Variants in IMMP2L observed in about 807,000 individuals in gnomAD.
IMMP2L encodes the protein mitochondrial inner membrane protease subunit 2.
A neutral mutation model predicts 19.3 loss-of-function variants in IMMP2L; 18 were observed. The ratio of observed to expected loss-of-function variants is 0.93; its 90% CI spans 0.64 to 1.38. The LOEUF is 1.38. Ranked by LOEUF, IMMP2L falls within the 40% of genes most tolerant of loss-of-function variation. IMMP2L has a pLI of 0.00. For missense variants in IMMP2L, 233 were observed against 218.2 expected (o/e 1.07, Z -0.43); for synonymous variants, 76 against 73.0 (o/e 1.04, Z -0.21).
intron 2 of IMMP2L, among the ~76,000 whole-genome samples, chr7:111,501,565 G>A (rs1844260731): frequency 6.6e-6 from 1 of 152,130 alleles, no homozygotes; most frequent in South Asian, 2.1e-4. Context: ...GTTAAGGGCA[G>A]CCAGAGAGAA....
In IMMP2L at chr7:111,386,059, T is replaced by A. The variant is rs985803185; in HGVS notation, c.239+101179A>T. Among the ~76,000 whole-genome samples, 3 of 151,712 alleles carry A rather than the reference T, an allele frequency of 2.0e-5. No individual in the cohort carries two copies. The South Asian group carries it at 6.3e-4, about 32-fold the overall frequency. On this transcript the variant is annotated intron_variant, in intron 3 of 5. Transcript: ENST00000405709. ...CCACTCCCAGCTAATTTTTTTTTTT[T>A]AAGAAACAGGGTCTCGCTCTGTTGT...
intron 3 of IMMP2L, among the ~76,000 whole-genome samples, chr7:110,964,279 T>C (rs994254531): frequency 5.3e-5 from 8 of 152,040 alleles, no homozygotes; most frequent in Admixed American, 5.2e-4. Context: ...CATAAGAAAA[T>C]GCTTACACAT....
At chr7:111,171,345 A>G (rs1312856071) in intron 3 of IMMP2L, among the ~76,000 whole-genome samples, 1 of 151,708 alleles carries the variant, frequency 6.6e-6, no homozygotes, top group Admixed American at 6.6e-5. Flanking sequence ...TCACTAGGGT[A>G]GCATAAAATC....
chr7:111,544,424 C>A (rs1474391939), intron 1 of IMMP2L, among the ~76,000 whole-genome samples: 1 of 152,056 alleles, frequency 6.6e-6, no homozygotes, highest in Non-Finnish European at 1.5e-5. Context: ...CTCCTACCGA[C>A]TCTATGAATT....
intron 5 of IMMP2L, among the ~76,000 whole-genome samples, chr7:110,668,652 T>C (rs1413602384): frequency 6.6e-6 from 1 of 152,218 alleles, no homozygotes; most frequent in African/African-American, 2.4e-5. Context: ...TAAACATTTA[T>C]TAAGGCTACT....
chr7:111,013,625 T>G (rs907040266), intron 3 of IMMP2L, among the ~76,000 whole-genome samples: 1 of 152,048 alleles, frequency 6.6e-6, no homozygotes, highest in African/African-American at 2.4e-5. Context: ...CAGGCATCAC[T>G]CCAAACTAAC....
At chr7:110,911,853 T>C (rs534688210) in intron 4 of IMMP2L, among the ~76,000 whole-genome samples, 1 of 152,290 alleles carries the variant, frequency 6.6e-6, no homozygotes, top group Admixed American at 6.5e-5. Flanking sequence ...TTCATGTATG[T>C]ATTTCAAGCA....
At chr7:111,525,392 C>A (rs1750960367) in intron 1 of IMMP2L, among the ~76,000 whole-genome samples, 1 of 152,086 alleles carries the variant, frequency 6.6e-6, no homozygotes, top group South Asian at 2.1e-4. Context: ...TAAGACCTCA[C>A]AGGCCCCGTA....
intron 3 of IMMP2L, among the ~76,000 whole-genome samples, chr7:111,402,867 C>A (rs1001473990): frequency 6.6e-6 from 1 of 150,918 alleles, no homozygotes; most frequent in Non-Finnish European, 1.5e-5. Context: ...TCATAGTCCA[C>A]GAACACATTA....
At chr7:110,895,755 A>G (rs1359812253) in intron 4 of IMMP2L, among the ~76,000 whole-genome samples, 1 of 152,162 alleles carries the variant, frequency 6.6e-6, no homozygotes, top group Non-Finnish European at 1.5e-5. Context: ...TTCTTAAATT[A>G]ATATCTAAGT....
intron 3 of IMMP2L, among the ~76,000 whole-genome samples, chr7:111,145,857 T>C (rs568058321): frequency 6.6e-6 from 1 of 152,244 alleles, no homozygotes; most frequent in African/African-American, 2.4e-5. Flanking sequence ...TTCCAAAGGA[T>C]GCATTTGGCA....
chr7:111,057,243 T>C (rs1793598624), intron 3 of IMMP2L, among the ~76,000 whole-genome samples: 1 of 152,226 alleles, frequency 6.6e-6, no homozygotes, highest in South Asian at 2.1e-4. Context: ...TAGTGCAGGC[T>C]GATGCCTTCC....
intron 5 of IMMP2L, among the ~76,000 whole-genome samples, chr7:110,724,973 C>G (rs919139192): frequency 6.6e-6 from 1 of 152,176 alleles, no homozygotes; most frequent in African/African-American, 2.4e-5. Context: ...CGCCATTATA[C>G]TGGATGACAG....
At chr7:111,104,194 G>C (rs368675635) in intron 3 of IMMP2L, among the ~76,000 whole-genome samples, 1 of 151,362 alleles carries the variant, frequency 6.6e-6, no homozygotes, top group Non-Finnish European at 1.5e-5. Flanking sequence ...TTTACTATTC[G>C]CATCTTGAGC....
At chr7:111,249,753 A>C (rs2129631679) in intron 3 of IMMP2L, among the ~76,000 whole-genome samples, 1 of 152,330 alleles carries the variant, frequency 6.6e-6, no homozygotes, top group East Asian at 1.9e-4. Context: ...GTATTGAAAG[A>C]GCATACCTCA....
At chr7:110,682,681 T>C (rs1410286377) in intron 5 of IMMP2L, among the ~76,000 whole-genome samples, 4 of 152,150 alleles carry the variant, frequency 2.6e-5, no homozygotes, top group Non-Finnish European at 5.9e-5. Flanking sequence ...TTTTGTATTA[T>C]TGAATCTGAG....
intron 5 of IMMP2L, among the ~76,000 whole-genome samples, chr7:110,778,767 C>T (rs1001232180): frequency 2.6e-5 from 4 of 151,894 alleles, no homozygotes; most frequent in Non-Finnish European, 5.9e-5. Flanking sequence ...AGAACTGTAA[C>T]AGCATCTATT....
intron 5 of IMMP2L, among the ~76,000 whole-genome samples, chr7:110,835,280 T>C (rs533556254): frequency 2.3e-4 from 35 of 152,304 alleles, no homozygotes; most frequent in African/African-American, 8.4e-4. Flanking sequence ...GAGAGGGTAG[T>C]ATGACTCTAA....
In IMMP2L at chr7:110,663,587, G is replaced by C. The variant is rs1478239856; in HGVS notation, c.*15C>G. On this transcript the variant is annotated 3_prime_UTR_variant, in exon 6 of 6. Coordinates refer to ENST00000405709, the MANE Select transcript of IMMP2L (RefSeq NM_032549.4). ...CTGGCCTCCCAATGCCAGCAACTCA[G>C]GTAGATTCATGCAGTCATTCCTCTT... 3.1e-6 allele frequency: 5 copies of C among 1,612,720 alleles called. No individual in the cohort carries two copies. The highest frequency in any genetic ancestry group is 8.5e-7 in the Non-Finnish European group (1 of 1,179,194).
Sources: gnomAD v4.1 joint callset for allele counts (sites outside exome capture counted in the v4.1 genomes callset) on GRCh38, gnomAD v4.1.1 for gene constraint, MANE v1.5 for transcripts, NCBI Gene and HGNC (gene_info 2026-07-23, HGNC 2026-07-21) for gene names.